The following IQGAP1 variants were observed in gnomAD, a reference collection of about 807,000 sequenced individuals.
IQGAP1 encodes the protein IQ motif containing GTPase activating protein 1, also known as ras GTPase-activating-like protein IQGAP1.
In IQGAP1, 66 loss-of-function variants were observed where a neutral mutation model predicts 215.6. That is an observed-to-expected ratio of 0.31 (90% CI 0.25 to 0.38). The LOEUF (loss-of-function observed/expected upper bound fraction) is 0.38, where lower values mean the gene tolerates loss of function less well. IQGAP1 is among the 10% of genes least tolerant of loss of function. IQGAP1 has a pLI of 1.00. For synonymous variants in IQGAP1, 772 were observed against 728.7 expected (o/e 1.06, Z -0.96); for missense variants, 1,712 against 1,997.1 (o/e 0.86, Z 2.72).
chr15:90,477,271 A>G, intron 25 of IQGAP1, 41 bp downstream of exon 25: 1 of 1,518,440 alleles, frequency 6.6e-7, no homozygotes, highest in Non-Finnish European at 9.0e-7. Context: ...CCTTCCCACT[A>G]TCAGAGGGGC....
In IQGAP1 at chr15:90,483,459, C is replaced by A. The variant is rs770390066; in HGVS notation, c.3654C>A (p.Thr1218=). 1 of 1,614,160 alleles carries A rather than the reference C, an allele frequency of 6.2e-7. No individual in the cohort carries two copies. Among genetic ancestry groups the A allele is most frequent in the South Asian group, 1.1e-5 (1 of 91,076 alleles). The stretch of plus-strand genomic sequence containing the variant: ...ACCTGTCAGCAGGAGGCCAGCTTAC[C>A]ACAGACCAACGCCGAAATCTGGGCT... ...IIDLSAGGQL[T]TDQRRNLGSI... is the part of the protein sequence containing the mutation. Residue 1218 remains threonine, a synonymous_variant, in exon 29 of 38, where the codon ACC becomes ACA. Transcript: ENST00000268182.
At chr15:90,471,760 A>G (rs1428472761) in intron 18 of IQGAP1, among the ~76,000 whole-genome samples, 1 of 151,856 alleles carries the variant, frequency 6.6e-6, no homozygotes, top group Non-Finnish European at 1.5e-5. Context: ...TCAGCCTCCC[A>G]AAGTGCTGGG....
intron 4 of IQGAP1, among the ~76,000 whole-genome samples, chr15:90,431,611 A>G (rs1486831512): frequency 6.6e-6 from 1 of 152,212 alleles, no homozygotes; most frequent in African/African-American, 2.4e-5. Context: ...TACAATTGCA[A>G]CAAACACAGA....
rs932945428 is a variant in IQGAP1 at position 90,422,296 on chromosome 15, A to G, written c.156-3814A>G. 5.9e-5 allele frequency among the ~76,000 whole-genome samples: 9 copies of G among 152,254 alleles called. No individual in the cohort carries two copies. The East Asian group carries it at 1.7e-3, about 29-fold the overall frequency. On this transcript the variant is annotated intron_variant, in intron 2 of 37. Coordinates refer to ENST00000268182, the MANE Select transcript of IQGAP1 (RefSeq NM_003870.4). ...TATTTGTAAATGGGAGGAAGTGCAA[A>G]TAGATTATTAGCCTCTGAGCAGGCT...
chr15:90,401,920 A>G (rs898079495), intron 2 of IQGAP1, among the ~76,000 whole-genome samples: 2 of 152,204 alleles, frequency 1.3e-5, no homozygotes, highest in African/African-American at 4.8e-5. Context: ...TTAAAGAGGG[A>G]AAAAAATAGA....
chr15:90,485,810 C>T (rs1444224543), intron 30 of IQGAP1, among the ~76,000 whole-genome samples: 3 of 152,222 alleles, frequency 2.0e-5, no homozygotes, highest in Admixed American at 1.3e-4. Context: ...CCAGTATTTC[C>T]TCTTCTTATA....
At chr15:90,446,406 A>G (rs1965528415) in intron 9 of IQGAP1, among the ~76,000 whole-genome samples, 1 of 152,218 alleles carries the variant, frequency 6.6e-6, no homozygotes, top group African/African-American at 2.4e-5. Context: ...ACAAATGAGT[A>G]CTTTTAGGGC....
chr15:90,395,389 C>T (rs990937888), intron 2 of IQGAP1, among the ~76,000 whole-genome samples: 1 of 151,738 alleles, frequency 6.6e-6, no homozygotes. Flanking sequence ...GACGCTATCT[C>T]GGCTCACTGC....
In IQGAP1 at chr15:90,443,400, A is replaced by G. The variant is rs781764581; in HGVS notation, c.835A>G (p.Asn279Asp). The change falls in exon 9 of 38, where the codon AAC (asparagine) becomes GAC (aspartate). Residue 279 changes from asparagine to aspartate, a missense_variant. Asn to Asp is a conservative substitution (Grantham distance 23, BLOSUM62 1). Transcript: ENST00000268182. ...GCTTTTTACTCATCCTCAGACAGAA[A>G]ACTCAGAGAGAGAAAGAGATGTTTA... ...KMTNAKNRTE[N>D]SERERDVYEE... 6.2e-6 allele frequency: 10 copies of G among 1,611,472 alleles called. No individual in the cohort carries two copies. The highest frequency in any genetic ancestry group is 2.2e-5 in the East Asian group (1 of 44,838).
At chr15:90,464,622 G>A (rs995439196) in intron 15 of IQGAP1, among the ~76,000 whole-genome samples, 2 of 152,108 alleles carry the variant, frequency 1.3e-5, no homozygotes, top group African/African-American at 2.4e-5. Context: ...AGGCCAGGAC[G>A]TGCAGATCAC....
At chr15:90,441,361 T>C (rs1044820298) in intron 7 of IQGAP1, 145 bp from the exon 8 acceptor site, 1 of 686,132 alleles carries the variant, frequency 1.5e-6, no homozygotes, top group Non-Finnish European at 2.4e-6. Context: ...GGAGCCAGTC[T>C]TCGAACCCCA....
chr15:90,422,625 T>C (rs1220138706), intron 2 of IQGAP1, among the ~76,000 whole-genome samples: 1 of 44,796 alleles, frequency 2.2e-5, no homozygotes, highest in African/African-American at 1.3e-4. Context: ...TATATATATA[T>C]GTATATATAT....
intron 27 of IQGAP1, 39 bp from the exon 28 acceptor site, chr15:90,482,158 C>T: frequency 1.2e-6 from 2 of 1,614,116 alleles, no homozygotes; most frequent in Non-Finnish European, 1.7e-6. Flanking sequence ...TGCCTTTCTG[C>T]TCCTTGGCCC....
intron 33 of IQGAP1, among the ~76,000 whole-genome samples, chr15:90,487,956 C>G (rs1776575276): frequency 6.6e-6 from 1 of 152,184 alleles, no homozygotes; most frequent in Non-Finnish European, 1.5e-5. Context: ...GGCATGGTGG[C>G]TCATGCCTGT....
At chr15:90,463,678 T>C (rs769422311) in intron 15 of IQGAP1, among the ~76,000 whole-genome samples, 6 of 152,176 alleles carry the variant, frequency 3.9e-5, no homozygotes, top group Non-Finnish European at 7.4e-5. Context: ...TATTTGTTCT[T>C]GCATTCTATT....
At chr15:90,432,942 C>G (rs1266564129) in intron 4 of IQGAP1, among the ~76,000 whole-genome samples, 1 of 152,184 alleles carries the variant, frequency 6.6e-6, no homozygotes, top group Non-Finnish European at 1.5e-5. Flanking sequence ...CTGTTCCTAT[C>G]CTACCTCATT....
chr15:90,406,077 G>T (rs1964873793), intron 2 of IQGAP1, among the ~76,000 whole-genome samples: 1 of 152,140 alleles, frequency 6.6e-6, no homozygotes, highest in African/African-American at 2.4e-5. Flanking sequence ...AATGAGGGGT[G>T]CAAATGTACT....
At chr15:90,392,852 C>G (rs1964655758) in intron 2 of IQGAP1, among the ~76,000 whole-genome samples, 1 of 144,744 alleles carries the variant, frequency 6.9e-6, no homozygotes, top group Non-Finnish European at 1.5e-5. Context: ...TCAAGCGATT[C>G]TCCTGCCTCA....
At chr15:90,403,993 C>A (rs944351903) in intron 2 of IQGAP1, among the ~76,000 whole-genome samples, 9 of 152,182 alleles carry the variant, frequency 5.9e-5, no homozygotes, top group African/African-American at 2.2e-4. Flanking sequence ...AAATTCATTC[C>A]ATATGAGTGA....
Sources: gnomAD v4.1 joint callset for allele counts (sites outside exome capture counted in the v4.1 genomes callset) on GRCh38, gnomAD v4.1.1 for gene constraint, MANE v1.5 for transcripts, NCBI Gene and HGNC (gene_info 2026-07-23, HGNC 2026-07-21) for gene names.